The following CD163L1 variants were observed in gnomAD, a reference collection of about 807,000 sequenced individuals.
The protein encoded by CD163L1 is scavenger receptor cysteine-rich type 1 protein M160.
In CD163L1, 124 loss-of-function variants were observed where a neutral mutation model predicts 165.4. That is an observed-to-expected ratio of 0.75 (90% CI 0.65 to 0.87). CD163L1 has a LOEUF of 0.87. Among genes scored for constraint, CD163L1 ranks in the 40% least tolerant of loss-of-function variants. The pLI is 0.00. For missense variants in CD163L1, 1,525 were observed against 1,799.9 expected (o/e 0.85, Z 2.76); for synonymous variants, 585 against 662.2 (o/e 0.88, Z 1.79).
intron 2 of CD163L1, 66 bp from the exon 3 acceptor site, chr12:7,433,760 G>T: frequency 8.8e-7 from 1 of 1,136,310 alleles, no homozygotes; most frequent in Non-Finnish European, 1.3e-6. Context: ...AATATAAGTA[G>T]GTGAGATGGA....
downstream of CD163L1, among the ~76,000 whole-genome samples, chr12:7,343,784 C>A (rs1419361736): frequency 3.3e-5 from 5 of 152,160 alleles, no homozygotes; most frequent in African/African-American, 7.2e-5. Context: ...TCTTGCCCCC[C>A]AAATCTTATG....
At chr12:7,324,177 A>T in the CD163L1 span, 34 of 1,429,330 alleles carry the variant, frequency 2.4e-5, no homozygotes, top group Admixed American at 8.2e-4. Context: ...AATTTCCTAT[A>T]TAAGTAGGAT....
chr12:7,433,331 G>C, intron 3 of CD163L1, 43 bp downstream of exon 3: 2 of 1,509,532 alleles, frequency 1.3e-6, no homozygotes, highest in Non-Finnish European at 1.8e-6. Flanking sequence ...TGATTCCTGA[G>C]GGTAGGTCTT....
chr12:7,422,148 A>G (rs144476398), intron 4 of CD163L1, among the ~76,000 whole-genome samples: 164 of 152,248 alleles, frequency 1.1e-3, no homozygotes, highest in African/African-American at 3.7e-3. Flanking sequence ...CTAGGCAAAT[A>G]GGGTCTGGAG....
At position 7,368,053 on chromosome 12, in the gene CD163L1, C is replaced by T; in HGVS notation, c.4183+34G>A. 1 of 1,286,424 alleles carries T rather than the reference C, an allele frequency of 7.8e-7. No individual in the cohort carries two copies. Among genetic ancestry groups the T allele is most frequent in the Non-Finnish European group, 1.1e-6 (1 of 885,412 alleles). 79.7% of individuals were successfully genotyped at this position (1,286,424 alleles called of 1,614,324 possible). ...CCTGTGTGCCCTTGGTGGCAGGTAA[C>T]TCACATTTTATACAATCCTAGTGGG... On this transcript the variant is annotated intron_variant, in intron 17 of 19. Coordinates refer to ENST00000313599, the MANE Select transcript of CD163L1 (RefSeq NM_174941.6). This position sits in a 1 kb window ranked among gnomAD's most constrained non-coding sequence, Gnocchi z 4.3.
rs1331555724 is a variant in CD163L1 at position 7,373,508 on chromosome 12, C to G, written c.3542G>C (p.Cys1181Ser). ...ATTCTCCCCACAGCCCAGCTGCCTGCACACAATGCCTGCTATGGCTGTGGT... is the reference window on the plus strand; with the variant it reads ...ATTCTCCCCACAGCCCAGCTGCCTGGACACAATGCCTGCTATGGCTGTGGT... ...NITTAIAGIV[C>S]RQLGCGENGV... The change falls in exon 14 of 20, where the codon TGC (cysteine) becomes TCC (serine). Residue 1181 changes from cysteine (C) to serine (S), a missense_variant. Cys to Ser is a moderately radical substitution (Grantham distance 112, BLOSUM62 -1). Transcript: ENST00000313599. The G allele has an allele frequency of 9.3e-6, 15 of 1,614,212 alleles. No individual in the cohort carries two copies. The highest frequency in any genetic ancestry group is 1.1e-5 in the Non-Finnish European group (13 of 1,180,028).
the CD163L1 span, among the ~76,000 whole-genome samples, chr12:7,339,273 C>T: frequency 2.0e-5 from 3 of 152,070 alleles, no homozygotes; most frequent in African/African-American, 7.2e-5. Flanking sequence ...AAGAAAGTAT[C>T]TTGGGCCCTG....
chr12:7,426,690 T>G (rs1046832563), intron 4 of CD163L1, among the ~76,000 whole-genome samples: 5 of 152,098 alleles, frequency 3.3e-5, no homozygotes, highest in African/African-American at 1.2e-4. Context: ...TCTACCCATG[T>G]AACAAACTTG....
chr12:7,358,432 G>A (rs1208803475), intron 18 of CD163L1, among the ~76,000 whole-genome samples: 2 of 152,054 alleles, frequency 1.3e-5, no homozygotes, highest in Non-Finnish European at 2.9e-5. Flanking sequence ...GAACACTTCA[G>A]TAGGGTTCCT....
chr12:7,360,322 T>C (rs1219433041), intron 18 of CD163L1, among the ~76,000 whole-genome samples: 1 of 152,058 alleles, frequency 6.6e-6, no homozygotes, highest in Non-Finnish European at 1.5e-5. Flanking sequence ...TTTGTATTTT[T>C]AGTAGAGATG....
chr12:7,387,975 T>C (rs185734254), intron 8 of CD163L1, among the ~76,000 whole-genome samples: 1 of 152,178 alleles, frequency 6.6e-6, no homozygotes, highest in Admixed American at 6.5e-5. Flanking sequence ...AATAAGTCCA[T>C]GTATTTGTAG....
chr12:7,343,817 C>T (rs1248273998), downstream of CD163L1, among the ~76,000 whole-genome samples: 1 of 152,208 alleles, frequency 6.6e-6, no homozygotes, highest in Non-Finnish European at 1.5e-5. Flanking sequence ...CAGATTTGCT[C>T]ATGCCCTCCC....
intron 2 of CD163L1, chr12:7,439,616 G>A: frequency 6.3e-7 from 1 of 1,598,992 alleles, no homozygotes; most frequent in Non-Finnish European, 8.6e-7. Context: ...TTTAAGGATA[G>A]TCTCTGAATA....
chr12:7,388,744 A>C (rs1438244632), intron 8 of CD163L1, among the ~76,000 whole-genome samples: 2 of 76,460 alleles, frequency 2.6e-5, no homozygotes, highest in South Asian at 3.5e-4. Flanking sequence ...ATCCAGTTTC[A>C]AAAAAAAAAA....
At chr12:7,343,950 T>C (rs1010638056), downstream of CD163L1, among the ~76,000 whole-genome samples, 2 of 152,190 alleles carry the variant, frequency 1.3e-5, no homozygotes, top group Non-Finnish European at 2.9e-5. Context: ...ACTCACTTTA[T>C]TTACTTCCAA....
At chr12:7,326,535 A>C in the CD163L1 span, among the ~76,000 whole-genome samples, 1 of 152,092 alleles carries the variant, frequency 6.6e-6, no homozygotes, top group Non-Finnish European at 1.5e-5. Context: ...ATCTCCCAGG[A>C]TACACAGTCC....
At chr12:7,412,271 T>C (rs959682012) in intron 4 of CD163L1, among the ~76,000 whole-genome samples, 1 of 152,216 alleles carries the variant, frequency 6.6e-6, no homozygotes, top group Admixed American at 6.5e-5. Flanking sequence ...ATAAATCTTT[T>C]GGCTGAAACT....
At chr12:7,365,823 T>C (rs1205747482) in intron 18 of CD163L1, among the ~76,000 whole-genome samples, 1 of 152,042 alleles carries the variant, frequency 6.6e-6, no homozygotes, top group Non-Finnish European at 1.5e-5. Flanking sequence ...GAATATAAAT[T>C]AGGATAGTCA....
chr12:7,358,642 C>T (rs941218101), intron 18 of CD163L1, among the ~76,000 whole-genome samples: 1 of 152,094 alleles, frequency 6.6e-6, no homozygotes, highest in Non-Finnish European at 1.5e-5. Flanking sequence ...TACACCAACA[C>T]TCTCTTTACC....
Sources: allele counts gnomAD v4.1 joint callset (sites outside exome capture counted in the v4.1 genomes callset), GRCh38; gene constraint gnomAD v4.1.1; non-coding constraint Gnocchi (gnomAD v3.1); transcripts MANE v1.5; gene names NCBI Gene and HGNC (gene_info 2026-07-23, HGNC 2026-07-21).